Variants in NAV2 observed in about 807,000 individuals in gnomAD.
NAV2 encodes the protein helicase, APC down-regulated 1.
NAV2 carries 54 observed loss-of-function variants against 223.2 expected under a neutral mutation model. The ratio of observed to expected loss-of-function variants is 0.24; its 90% CI spans 0.19 to 0.30. The LOEUF (loss-of-function observed/expected upper bound fraction) is 0.30. Ranked by LOEUF, NAV2 falls within the 10% of genes least tolerant of loss-of-function variation. NAV2 has a pLI of 1.00. For synonymous variants in NAV2, 1,279 were observed against 1,239.3 expected (o/e 1.03, Z -0.67); for missense variants, 2,806 against 3,147.5 (o/e 0.89, Z 2.60).
intron 35 of NAV2, 87 bp downstream of exon 35, chr11:20,105,814 C>A: frequency 9.5e-7 from 1 of 1,055,498 alleles, no homozygotes; most frequent in Non-Finnish European, 1.4e-6. Flanking sequence ...ACTTTGCAGG[C>A]ACAGTCAGCA....
At chr11:19,645,824 G>C (rs955180293) in intron 1 of NAV2, among the ~76,000 whole-genome samples, 1 of 152,110 alleles carries the variant, frequency 6.6e-6, no homozygotes, top group Non-Finnish European at 1.5e-5. Flanking sequence ...CCACAACGCT[G>C]GTTGGATGAG....
chr11:19,877,467 A>ATTCTTTTTTTTTTTTTTTTTTTTTTTT (rs2062910025), intron 4 of NAV2, among the ~76,000 whole-genome samples: 1 of 75,838 alleles, frequency 1.3e-5, no homozygotes, highest in Admixed American at 1.2e-4. Flanking sequence ...GCTTATCTTC[A>ATTCTTTTTTTTTTTTTTTTTTTTTTTT]TTCTTTTTTT....
intron 28 of NAV2, 87 bp downstream of exon 28, chr11:20,092,455 A>C: frequency 7.1e-7 from 1 of 1,400,362 alleles, no homozygotes; most frequent in Non-Finnish European, 9.8e-7. Flanking sequence ...TAAGCAGATC[A>C]ACAGATCAAA....
intron 28 of NAV2, 44 bp downstream of exon 28, chr11:20,092,412 T>G: frequency 6.3e-7 from 1 of 1,577,322 alleles, no homozygotes; most frequent in Non-Finnish European, 8.6e-7. Flanking sequence ...GACCTACAGC[T>G]GGCACCCTGA....
rs55675583 is a variant in NAV2, at chr11:19,759,090, CTTTTTTTT to C, written c.267+45147_267+45154del. ...CATAGAACTTTGGATCTGAAAGACA[CTTTTTTTT>C]TTTTTTTTTTTTTTTTTTGAGATGG... On this transcript the variant is annotated intron_variant, in intron 1 of 37. Transcript: ENST00000349880. Among the ~76,000 whole-genome samples, 36 of 63,872 alleles carry C rather than the reference CTTTTTTTT, an allele frequency of 5.6e-4. 1 individual carries two copies. In the South Asian group the frequency reaches 0.018, roughly 32 times the overall value. The allele number at this position is 63,872 out of a possible 152,430, so 41.9% of individuals were successfully genotyped here. A position where few individuals can be genotyped will look rare whatever the true frequency, so the allele number is the denominator to read the frequency against.
intron 10 of NAV2, among the ~76,000 whole-genome samples, chr11:19,953,955 C>T (rs1388029578): frequency 6.6e-6 from 1 of 152,110 alleles, no homozygotes; most frequent in Non-Finnish European, 1.5e-5. Context: ...GAGACTGGGA[C>T]TTAGCAGGTA....
chr11:20,045,991 T>C lies in NAV2; in HGVS notation c.3902+321T>C, dbSNP rs148858042. Among the ~76,000 whole-genome samples, 619 of 152,356 alleles carry C rather than the reference T, an allele frequency of 4.1e-3. 5 individuals carry two copies. Among genetic ancestry groups the C allele is most frequent in the African/African-American group, 0.014 (582 of 41,572 alleles). On this transcript the variant is annotated intron_variant, in intron 14 of 37. Coordinates refer to ENST00000349880, the MANE Select transcript of NAV2 (RefSeq NM_145117.5). ...TGAAGATACTTTTTTGTCAGGGTTT[T>C]TGTAAAGATACATCTTTGTAGCTGT...
chr11:19,562,563 G>C (rs1019270130), intron 1 of NAV2, among the ~76,000 whole-genome samples: 2 of 152,106 alleles, frequency 1.3e-5, no homozygotes, highest in Non-Finnish European at 2.9e-5. Flanking sequence ...AACAGAATAG[G>C]ATTCTAAGAT....
intron 1 of NAV2, among the ~76,000 whole-genome samples, chr11:19,758,487 T>C (rs574545531): frequency 1.7e-3 from 261 of 152,126 alleles, no homozygotes; most frequent in Non-Finnish European, 3.2e-3. Flanking sequence ...GCGACTGTGA[T>C]TGCAAGTGGG....
At chr11:19,495,208 T>G (rs1406061739) in intron 1 of NAV2, among the ~76,000 whole-genome samples, 1 of 152,224 alleles carries the variant, frequency 6.6e-6, no homozygotes, top group African/African-American at 2.4e-5. Flanking sequence ...ATGTATTTGT[T>G]CTTTCCTTAT....
chr11:19,629,481 A>G (rs1047673862), intron 1 of NAV2, among the ~76,000 whole-genome samples: 60 of 151,586 alleles, frequency 4.0e-4, no homozygotes, highest in Admixed American at 3.2e-3. Flanking sequence ...GCACTTGCGC[A>G]CACACACACA....
At chr11:19,414,286 T>C (rs1850272102) in intron 1 of NAV2, among the ~76,000 whole-genome samples, 1 of 151,918 alleles carries the variant, frequency 6.6e-6, no homozygotes, top group Non-Finnish European at 1.5e-5. Flanking sequence ...ACAAAACGGG[T>C]TGCAATCCTA....
intron 1 of NAV2, among the ~76,000 whole-genome samples, chr11:19,819,372 G>C (rs769475740): frequency 6.6e-6 from 1 of 152,166 alleles, no homozygotes; most frequent in Non-Finnish European, 1.5e-5. Flanking sequence ...TGGGGGAAGG[G>C]CACCCTAGGC....
chr11:19,358,744 C>A (rs574598958), intron 1 of NAV2, among the ~76,000 whole-genome samples: 14 of 152,270 alleles, frequency 9.2e-5, no homozygotes, highest in African/African-American at 3.4e-4. Flanking sequence ...CAGACCCCCT[C>A]TTCCCACCTC....
chr11:19,533,931 C>T (rs1264615478), intron 1 of NAV2, among the ~76,000 whole-genome samples: 2 of 132,966 alleles, frequency 1.5e-5, no homozygotes, highest in Non-Finnish European at 2.9e-5. Flanking sequence ...TGGTCTCGAT[C>T]TCCTGACCTC....
chr11:19,471,405 A>C (rs1158828845), intron 1 of NAV2, among the ~76,000 whole-genome samples: 1 of 152,230 alleles, frequency 6.6e-6, no homozygotes, highest in Admixed American at 6.5e-5. Flanking sequence ...AGTATTAATA[A>C]GAAGCGACAG....
At chr11:19,773,475 T>C (rs1437538990) in intron 1 of NAV2, among the ~76,000 whole-genome samples, 5 of 152,062 alleles carry the variant, frequency 3.3e-5, no homozygotes, top group African/African-American at 1.2e-4. Context: ...CAGAAAGCCA[T>C]GAGCTGAAAA....
chr11:19,397,562 A>T (rs1278484867), intron 1 of NAV2, among the ~76,000 whole-genome samples: 1 of 152,194 alleles, frequency 6.6e-6, no homozygotes, highest in Non-Finnish European at 1.5e-5. Context: ...GAGGAGGTAC[A>T]TCATCTTTAC....
intron 1 of NAV2, among the ~76,000 whole-genome samples, chr11:19,554,210 C>A (rs909754194): frequency 7.9e-5 from 12 of 152,174 alleles, no homozygotes; most frequent in African/African-American, 2.9e-4. Context: ...CAGAAAGCAA[C>A]TCTGATAATT....
Sources: gnomAD v4.1 joint callset for allele counts (sites outside exome capture counted in the v4.1 genomes callset) on GRCh38, gnomAD v4.1.1 for gene constraint, MANE v1.5 for transcripts, NCBI Gene and HGNC (gene_info 2026-07-23, HGNC 2026-07-21) for gene names.